The following HEMK2 variants were observed in gnomAD, a reference collection of about 807,000 sequenced individuals.
HEMK2 encodes the protein HemK methyltransferase 2, ETF1 glutamine and histone H4 lysine, also known as methyltransferase HEMK2.
chr21:28,730,779 T>C, the HEMK2 span, among the ~76,000 whole-genome samples: 1 of 152,110 alleles, frequency 6.6e-6, no homozygotes, highest in African/African-American at 2.4e-5. Flanking sequence ...TACAACCTAA[T>C]CTCAGAAGTC....
chr21:28,677,746 C>T, the HEMK2 span, among the ~76,000 whole-genome samples: 5 of 152,194 alleles, frequency 3.3e-5, no homozygotes, highest in African/African-American at 2.4e-5. Flanking sequence ...CACCAATATT[C>T]GCTGTTCTGC....
chr21:28,775,314 G>A, the HEMK2 span, among the ~76,000 whole-genome samples: 1 of 152,178 alleles, frequency 6.6e-6, no homozygotes, highest in East Asian at 1.9e-4. Context: ...AGTGAAGGAA[G>A]AGGAGAAATG....
At chr21:28,576,628 A>G in the HEMK2 span, among the ~76,000 whole-genome samples, 1 of 152,144 alleles carries the variant, frequency 6.6e-6, no homozygotes, top group Non-Finnish European at 1.5e-5. Context: ...CATTTAAGAA[A>G]TCTTTGTGCC....
At chr21:28,801,683 G>C in the HEMK2 span, among the ~76,000 whole-genome samples, 33 of 152,140 alleles carry the variant, frequency 2.2e-4, no homozygotes, top group South Asian at 4.1e-4. Flanking sequence ...TAAACAGACA[G>C]CTTAGAGAAA....
At chr21:28,805,445 C>A in the HEMK2 span, among the ~76,000 whole-genome samples, 1 of 152,166 alleles carries the variant, frequency 6.6e-6, no homozygotes, top group African/African-American at 2.4e-5. Context: ...TTCTAATTGT[C>A]TCAAACCATA....
At chr21:28,696,383 G>T in the HEMK2 span, among the ~76,000 whole-genome samples, 50,402 of 151,858 alleles carry the variant, frequency 0.33, 9,570 homozygotes, top group African/African-American at 0.51. Flanking sequence ...ATTCAACAGG[G>T]CAGTCTTTAA....
chr21:28,831,092 G>A, the HEMK2 span, among the ~76,000 whole-genome samples: 3 of 152,072 alleles, frequency 2.0e-5, no homozygotes, highest in African/African-American at 7.2e-5. Flanking sequence ...GGGGCAGGAG[G>A]GATGCCATGT....
chr21:28,745,711 G>A, the HEMK2 span, among the ~76,000 whole-genome samples: 6 of 152,024 alleles, frequency 3.9e-5, no homozygotes, highest in Admixed American at 1.3e-4. Context: ...ATTTGCATTT[G>A]AGCAGCTTCC....
chr21:28,705,414 T>C, the HEMK2 span, among the ~76,000 whole-genome samples: 1 of 152,162 alleles, frequency 6.6e-6, no homozygotes, highest in Non-Finnish European at 1.5e-5. Flanking sequence ...CATTCATTGA[T>C]AGAAGGAAAG....
the HEMK2 span, among the ~76,000 whole-genome samples, chr21:28,774,959 AG>A: frequency 2.0e-5 from 3 of 152,182 alleles, no homozygotes; most frequent in African/African-American, 7.2e-5. Flanking sequence ...CTGGCAGAAA[AG>A]AACCCTATAA....
chr21:28,721,538 C>T, the HEMK2 span, among the ~76,000 whole-genome samples: 1 of 151,794 alleles, frequency 6.6e-6, no homozygotes, highest in Non-Finnish European at 1.5e-5. Flanking sequence ...CGTTACATGG[C>T]TTATATGGAC....
At chr21:28,684,879 C>T in the HEMK2 span, among the ~76,000 whole-genome samples, 1 of 151,952 alleles carries the variant, frequency 6.6e-6, no homozygotes. Flanking sequence ...CTAGTGGCCA[C>T]CAAAAAGATT....
the HEMK2 span, among the ~76,000 whole-genome samples, chr21:28,745,997 AGT>A: frequency 6.6e-6 from 1 of 152,240 alleles, no homozygotes; most frequent in Non-Finnish European, 1.5e-5. Flanking sequence ...GTGAGAAAAA[AGT>A]GGTCGGCATT....
At chr21:28,669,456 C>T in the HEMK2 span, among the ~76,000 whole-genome samples, 1 of 152,166 alleles carries the variant, frequency 6.6e-6, no homozygotes, top group East Asian at 1.9e-4. Flanking sequence ...TTTGCAGTTC[C>T]TCCCACTGTT....
the HEMK2 span, among the ~76,000 whole-genome samples, chr21:28,757,688 C>G: frequency 6.6e-6 from 1 of 152,198 alleles, no homozygotes; most frequent in East Asian, 1.9e-4. Flanking sequence ...TCCCTAAAGA[C>G]TGCAGGGCCA....
the HEMK2 span, chr21:28,879,725 T>G: frequency 7.6e-6 from 4 of 527,768 alleles, no homozygotes; most frequent in African/African-American, 7.9e-5. Flanking sequence ...GGTCTTTTAA[T>G]AGGACTCAAT....
the HEMK2 span, among the ~76,000 whole-genome samples, chr21:28,633,862 C>T: frequency 1.3e-5 from 2 of 152,154 alleles, no homozygotes; most frequent in African/African-American, 4.8e-5. Flanking sequence ...AACCTATCTG[C>T]CATCCGTCTC....
the HEMK2 span, among the ~76,000 whole-genome samples, chr21:28,636,601 G>C: frequency 6.6e-6 from 1 of 152,000 alleles, no homozygotes; most frequent in African/African-American, 2.4e-5. Context: ...ACTGTAATTT[G>C]CCAAGTGAAA....
the HEMK2 span, among the ~76,000 whole-genome samples, chr21:28,688,910 T>C: frequency 6.6e-6 from 1 of 152,070 alleles, no homozygotes; most frequent in African/African-American, 2.4e-5. Flanking sequence ...GTGGGCCAAA[T>C]CCAGCCATGC....
Sources: allele counts gnomAD v4.1 joint callset (sites outside exome capture counted in the v4.1 genomes callset), GRCh38; gene constraint gnomAD v4.1.1; transcripts MANE v1.5; gene names NCBI Gene and HGNC (gene_info 2026-07-23, HGNC 2026-07-21).